The following POLD3 variants were observed in gnomAD, a reference collection of about 807,000 sequenced individuals.
POLD3 encodes the protein DNA polymerase delta subunit 3.
In POLD3, 19 loss-of-function variants were observed where a neutral mutation model predicts 58.2. The ratio of observed to expected loss-of-function variants is 0.33; its 90% CI spans 0.23 to 0.48. The LOEUF is 0.48. Among genes scored for constraint, POLD3 ranks in the 20% least tolerant of loss-of-function variants. POLD3 has a pLI of 0.99. For missense variants in POLD3, 504 were observed against 545.5 expected, an observed-to-expected ratio of 0.92 and a Z score of 0.76; for synonymous variants, 172 against 193.5, an observed-to-expected ratio of 0.89 and a Z score of 0.92.
At chr11:74,658,150 A>G (rs1319480010) in intron 4 of POLD3, among the ~76,000 whole-genome samples, 1 of 152,244 alleles carries the variant, frequency 6.6e-6, no homozygotes, top group African/African-American at 2.4e-5. Context: ...AGAAGGCCTC[A>G]GAATCATGGC....
downstream of POLD3, chr11:74,643,192 A>G (rs1457271910): frequency 2.6e-5 from 4 of 152,300 alleles, no homozygotes; most frequent in Non-Finnish European, 5.9e-5. Flanking sequence ...GCTTCCTGAA[A>G]TGTTATCAGT....
chr11:74,595,017 C>A (rs902725776), intron 2 of POLD3: 8 of 152,198 alleles, frequency 5.3e-5, no homozygotes, highest in African/African-American at 1.9e-4. Context: ...TGAGATAATT[C>A]TGTATTTAAC....
chr11:74,627,389 G>A (rs936361221), intron 8 of POLD3, among the ~76,000 whole-genome samples: 1 of 152,128 alleles, frequency 6.6e-6, no homozygotes, highest in African/African-American at 2.4e-5. Flanking sequence ...TGTGTTTTAA[G>A]CTGTGTTATT....
chr11:74,665,528 G>C (rs1016584205), intron 4 of POLD3, among the ~76,000 whole-genome samples: 1 of 149,608 alleles, frequency 6.7e-6, no homozygotes, highest in Non-Finnish European at 1.5e-5. Context: ...AGCCTCCAGA[G>C]TAGCTGCAAT....
rs754690685 is a variant in POLD3 at position 74,599,955 on chromosome 11, TA to T, written c.117-4736del. ...AAGTCATATATGTTGTTATTATTAT[TA>T]TTTTTTTTTTTTTTGAGACAGCTCT... On this transcript the variant is annotated intron_variant, in intron 2 of 11. Transcript: ENST00000263681. Among the ~76,000 whole-genome samples, 343 of 135,806 alleles carry T rather than the reference TA, an allele frequency of 2.5e-3. 2 individuals are homozygous for T. The highest frequency in any genetic ancestry group is 5.6e-3 in the African/African-American group (190 of 34,156). 89.1% of individuals were successfully genotyped at this position (135,806 alleles called of 152,430 possible).
chr11:74,622,617 A>G (rs2032301010), intron 7 of POLD3, among the ~76,000 whole-genome samples: 1 of 152,238 alleles, frequency 6.6e-6, no homozygotes, highest in South Asian at 2.1e-4. Context: ...TACAATGAAA[A>G]TGAAGCTTGA....
chr11:74,643,898 T>G (rs767197670), downstream of POLD3, among the ~76,000 whole-genome samples: 2 of 152,352 alleles, frequency 1.3e-5, no homozygotes, highest in South Asian at 4.1e-4. Context: ...CCATCTTGGT[T>G]AAAACAAGGC....
chr11:74,609,077 G>C (rs1462413713), intron 3 of POLD3, among the ~76,000 whole-genome samples: 1 of 151,766 alleles, frequency 6.6e-6, no homozygotes, highest in East Asian at 1.9e-4. Flanking sequence ...GTTTAGAAAA[G>C]CAAAACCTGT....
intron 11 of POLD3, among the ~76,000 whole-genome samples, chr11:74,637,822 T>A (rs1336551112): frequency 7.3e-6 from 1 of 136,286 alleles, no homozygotes; most frequent in African/African-American, 2.8e-5. Flanking sequence ...TTTTTTTTTT[T>A]AAAGGTTTTT....
chr11:74,643,442 A>C (rs2032961787), downstream of POLD3, among the ~76,000 whole-genome samples: 1 of 152,228 alleles, frequency 6.6e-6, no homozygotes, highest in African/African-American at 2.4e-5. Context: ...CTCACAATTT[A>C]GTGGAAGGGA....
At chr11:74,633,927 A>G (rs549576878) in intron 9 of POLD3, among the ~76,000 whole-genome samples, 4 of 152,356 alleles carry the variant, frequency 2.6e-5, no homozygotes, top group African/African-American at 9.6e-5. Flanking sequence ...CTCCAAGTTT[A>G]TACTGTTAAC....
At chr11:74,634,401 T>A (rs1379436945) in intron 9 of POLD3, among the ~76,000 whole-genome samples, 182 bp from the exon 10 acceptor site, 1 of 152,242 alleles carries the variant, frequency 6.6e-6, no homozygotes, top group Non-Finnish European at 1.5e-5. Flanking sequence ...ATTTTATTTG[T>A]ATAAAATTAA....
intron 4 of POLD3, among the ~76,000 whole-genome samples, chr11:74,661,504 A>G (rs1254987415): frequency 6.6e-6 from 1 of 152,222 alleles, no homozygotes; most frequent in Non-Finnish European, 1.5e-5. Context: ...CTGGATTACC[A>G]GGTGGAGACT....
intron 11 of POLD3, 146 bp downstream of exon 11, chr11:74,636,421 C>T: frequency 2.7e-6 from 2 of 738,234 alleles, no homozygotes; most frequent in Non-Finnish European, 4.5e-6. Flanking sequence ...TTGTCTATGG[C>T]ATACACTTTG....
rs2031622823 is a variant in POLD3 at position 74,604,862 on chromosome 11, CA to C, written c.219+69del. ...TTATGAAGAGTGTTATAACATAGTT[CA>C]GGGGAGAGAAAAAAATCAAGATTCT... On this transcript the variant is annotated intron_variant, in intron 3 of 11. Transcript: ENST00000263681. The C allele has an allele frequency of 6.2e-6, 5 of 809,712 alleles. No homozygotes were observed. In the South Asian group the frequency reaches 6.2e-5, roughly 10 times the overall value. 50.2% of individuals were successfully genotyped at this position (809,712 alleles called of 1,614,324 possible).
At chr11:74,611,036 A>G (rs1206952749) in intron 3 of POLD3, among the ~76,000 whole-genome samples, 2 of 152,180 alleles carry the variant, frequency 1.3e-5, no homozygotes, top group African/African-American at 4.8e-5. Flanking sequence ...CGGCCTCCCA[A>G]AGTGTTGGGA....
At chr11:74,631,859 T>C (rs975660603) in intron 9 of POLD3, among the ~76,000 whole-genome samples, 2 of 152,156 alleles carry the variant, frequency 1.3e-5, no homozygotes, top group Non-Finnish European at 2.9e-5. Flanking sequence ...CCTGCTGAGG[T>C]GCCCATACTT....
At chr11:74,613,141 C>T in intron 5 of POLD3, 131 bp downstream of exon 5, 1 of 808,726 alleles carries the variant, frequency 1.2e-6, no homozygotes, top group Non-Finnish European at 2.0e-6. Flanking sequence ...AGAAACATGC[C>T]TGGTTTTATT....
rs1208832916 is a variant in POLD3, at chr11:74,653,604, T to C, written c.370-15173T>C. The stretch of plus-strand genomic sequence containing the variant: ...TGCAGATGAAATGGAATACTAAAAT[T>C]ACCAATGAATGTTAGAAAAGAAGGA... On this transcript the variant is annotated intron_variant, in intron 4 of 4. Coordinates refer to the POLD3 transcript ENST00000524752. 2.0e-5 allele frequency among the ~76,000 whole-genome samples: 3 copies of C among 152,104 alleles called. No homozygotes were observed. The East Asian group carries it at 5.8e-4, about 29-fold the overall frequency.
Sources: allele counts gnomAD v4.1 joint callset (sites outside exome capture counted in the v4.1 genomes callset), GRCh38; gene constraint gnomAD v4.1.1; transcripts MANE v1.5; gene names NCBI Gene and HGNC (gene_info 2026-07-23, HGNC 2026-07-21).